The following SEMA5B variants were observed in gnomAD, a reference collection of about 807,000 sequenced individuals.
SEMA5B encodes the protein semaphorin-5B.
Under a neutral mutation model 135.0 loss-of-function variants are expected in SEMA5B, and 66 were observed. The observed-to-expected ratio is 0.49, with a 90% confidence interval of 0.40 to 0.60. SEMA5B has a LOEUF of 0.60. Ranked by LOEUF, SEMA5B falls within the 20% of genes least tolerant of loss-of-function variation. The pLI is 0.00. For missense variants in SEMA5B, 1,501 were observed against 1,566.3 expected, an observed-to-expected ratio of 0.96 and a Z score of 0.70; for synonymous variants, 690 against 639.5, an observed-to-expected ratio of 1.08 and a Z score of -1.19.
At chr3:122,937,962 T>G (rs764304631) in intron 5 of SEMA5B, among the ~76,000 whole-genome samples, 11 of 152,164 alleles carry the variant, frequency 7.2e-5, no homozygotes, top group Non-Finnish European at 2.9e-5. Context: ...CCTGCTGGGT[T>G]TGGCAACTTG....
chr3:122,986,714 C>T (rs1024855288), intron 1 of SEMA5B, among the ~76,000 whole-genome samples: 2 of 152,080 alleles, frequency 1.3e-5, no homozygotes, highest in Non-Finnish European at 2.9e-5. Flanking sequence ...CACACACACA[C>T]ATACAAACAT....
At chr3:123,015,653 C>T (rs1255908293) in intron 1 of SEMA5B, among the ~76,000 whole-genome samples, 1 of 152,110 alleles carries the variant, frequency 6.6e-6, no homozygotes, top group African/African-American at 2.4e-5. Flanking sequence ...GAGATGGAAC[C>T]CACAGGGAGA....
intron 1 of SEMA5B, among the ~76,000 whole-genome samples, chr3:123,026,813 C>G (rs1942811151): frequency 6.6e-6 from 1 of 152,246 alleles, no homozygotes; most frequent in Non-Finnish European, 1.5e-5. Context: ...TGCCGCACCC[C>G]TCTCCACCCT....
At chr3:123,018,564 G>A (rs933413822) in intron 1 of SEMA5B, among the ~76,000 whole-genome samples, 9 of 152,166 alleles carry the variant, frequency 5.9e-5, no homozygotes, top group South Asian at 2.1e-4. Context: ...GAACCCAATC[G>A]GGACCCCACA....
intron 1 of SEMA5B, among the ~76,000 whole-genome samples, chr3:123,001,180 A>C (rs1942166390): frequency 6.6e-6 from 1 of 152,174 alleles, no homozygotes; most frequent in Admixed American, 6.5e-5. Context: ...CCAATGCTTG[A>C]AGGGAAATCT....
At position 122,912,360 on chromosome 3, in the gene SEMA5B, G is replaced by T. The variant is rs751614113; in HGVS notation, c.2726-18C>A. ...ACCCCGAACTGCAAGGGGACGGGGT[G>T]TGTGAGGGGCTGTAGGGGCAGCCAG... is the stretch of plus-strand genomic sequence containing the variant. On this transcript the variant is annotated intron_variant, in intron 18 of 22. Transcript: ENST00000357599. 5.8e-6 allele frequency: 9 copies of T among 1,564,904 alleles called. No individual in the cohort carries two copies. Among genetic ancestry groups the T allele is most frequent in the Non-Finnish European group, 7.8e-6 (9 of 1,154,858 alleles).
rs145167874 is a variant in SEMA5B at position 122,910,186 on chromosome 3, C to G, written c.3413G>C (p.Arg1138Pro). Reference protein sequence around the residue: ...YPSPLNKHSFRPEASPGQRCF... With the variant: ...YPSPLNKHSFPPEASPGQRCF... ...CCGTTGTCCAGGTGAGGCCTCGGGC[C>G]GGAAGCTGTGTTTGTTCAGGGGGCT... Residue 1138 changes from arginine (R) to proline (P), a missense_variant, in exon 23 of 23, where the codon CGG becomes CCG. Coordinates refer to ENST00000357599, the MANE Select transcript of SEMA5B (RefSeq NM_001031702.4). 7 of 1,614,106 alleles carry G rather than the reference C, an allele frequency of 4.3e-6. No homozygotes were observed. The highest frequency in any genetic ancestry group is 1.3e-5 in the African/African-American group (1 of 74,942).
At chr3:122,986,703 A>T (rs762009080) in intron 1 of SEMA5B, among the ~76,000 whole-genome samples, 14 of 152,104 alleles carry the variant, frequency 9.2e-5, no homozygotes, top group Non-Finnish European at 1.6e-4. Flanking sequence ...ACACAGACAC[A>T]CACACACACA....
chr3:123,007,351 C>T (rs531934064), intron 1 of SEMA5B, among the ~76,000 whole-genome samples: 1 of 152,076 alleles, frequency 6.6e-6, no homozygotes, highest in African/African-American at 2.4e-5. Context: ...GCCAGGATAA[C>T]CTTCTTTGGC....
At chr3:122,923,802 C>T (rs1938493276) in intron 9 of SEMA5B, 50 bp from the exon 10 acceptor site, 1 of 1,609,370 alleles carries the variant, frequency 6.2e-7, no homozygotes, top group South Asian at 1.1e-5. Context: ...AGACCTGGCA[C>T]CCTCCTCATA....
Position 122,926,444 on chromosome 3 carries a change from C to T in SEMA5B, c.1084G>A (p.Ala362Thr). The part of the protein sequence containing the change: ...VPFYYNELQS[A>T]FHLPEQDLIY... Reference sequence around the variant, plus strand: ...AGGTCCTGCTCCGGCAAGTGGAAGGCACTCTGCAGCTCGTTATAGTAGAAG... The same window carrying T: ...AGGTCCTGCTCCGGCAAGTGGAAGGTACTCTGCAGCTCGTTATAGTAGAAG... The change falls in exon 9 of 23, where the codon GCC becomes ACC. Residue 362 changes from alanine (A) to threonine (T), a missense_variant. Ala to Thr is a moderately conservative substitution (Grantham distance 58). Coordinates refer to ENST00000357599, the MANE Select transcript of SEMA5B (RefSeq NM_001031702.4). The T allele has an allele frequency of 6.2e-7, 1 of 1,614,194 alleles. No homozygotes were observed. The highest frequency in any genetic ancestry group is 8.5e-7 in the Non-Finnish European group (1 of 1,180,040).
chr3:122,947,057 A>G (rs9830864), intron 3 of SEMA5B, among the ~76,000 whole-genome samples: 135,850 of 151,778 alleles, frequency 0.9, 60,835 homozygotes, highest in East Asian at 1. Flanking sequence ...GACTCAGCCA[A>G]GCCAATATTG....
In SEMA5B at chr3:122,948,701, G is replaced by A; in HGVS notation, c.133C>T (p.Pro45Ser). ...GTCCTAGCTCCGGGAGGCAGACAGG[G>A]GAGAAGACCTGCAACGTAAACACTC... The part of the protein sequence containing the change: ...WLLSLVRGLL[P>S]CLPPGARTAE... Residue 45 changes from proline to serine, a missense_variant, in exon 3 of 23, where the codon CCC (proline) becomes TCC (serine). By Grantham distance (74) the Pro-to-Ser change is moderately conservative (BLOSUM62 -1). Transcript: ENST00000357599. 4 of 1,598,376 alleles carry A rather than the reference G, an allele frequency of 2.5e-6. No homozygotes were observed. Among genetic ancestry groups the A allele is most frequent in the Non-Finnish European group, 3.4e-6 (4 of 1,168,780 alleles).
At chr3:123,012,877 A>T (rs1336813218) in intron 1 of SEMA5B, among the ~76,000 whole-genome samples, 1 of 152,142 alleles carries the variant, frequency 6.6e-6, no homozygotes, top group African/African-American at 2.4e-5. Flanking sequence ...CTACAGATGG[A>T]TGGAGGGAGT....
intron 1 of SEMA5B, among the ~76,000 whole-genome samples, chr3:123,008,094 C>T (rs998175004): frequency 1.3e-5 from 2 of 152,190 alleles, no homozygotes; most frequent in African/African-American, 2.4e-5. Context: ...GGCAAAGGCA[C>T]GCAGAAATAA....
intron 12 of SEMA5B, among the ~76,000 whole-genome samples, chr3:122,920,162 A>G (rs4378918): frequency 0.53 from 80,089 of 152,094 alleles, 23,411 homozygotes; most frequent in Non-Finnish European, 0.67. Context: ...CAGTGCCCAC[A>G]GCCACAGGAT....
intron 2 of SEMA5B, among the ~76,000 whole-genome samples, chr3:122,949,688 C>T (rs1445271033): frequency 1.3e-5 from 2 of 152,198 alleles, no homozygotes; most frequent in African/African-American, 2.4e-5. Flanking sequence ...CTATAGATAA[C>T]ATTATTGTAA....
intron 3 of SEMA5B, among the ~76,000 whole-genome samples, chr3:122,945,962 A>AG (rs1022684094): frequency 6.6e-6 from 1 of 151,676 alleles, no homozygotes; most frequent in Non-Finnish European, 1.5e-5. Context: ...CGGGGATCCT[A>AG]GGGGGGCCTT....
intron 18 of SEMA5B, 67 bp from the exon 19 acceptor site, chr3:122,912,409 A>C (rs1937781230): frequency 7.1e-7 from 1 of 1,414,576 alleles, no homozygotes; most frequent in Non-Finnish European, 9.4e-7. Flanking sequence ...CTTCCATCCC[A>C]TACCAGCCCA....
Sources: gnomAD v4.1 joint callset for allele counts (sites outside exome capture counted in the v4.1 genomes callset) on GRCh38, gnomAD v4.1.1 for gene constraint, MANE v1.5 for transcripts, NCBI Gene and HGNC (gene_info 2026-07-23, HGNC 2026-07-21) for gene names.